The following CYB561D1 variants were observed in gnomAD, a reference collection of about 807,000 sequenced individuals.
CYB561D1 encodes the protein cytochrome b561 family member D1.
In CYB561D1, 15 loss-of-function variants were observed where a neutral mutation model predicts 19.2. The observed-to-expected ratio is 0.78, with a 90% CI of 0.52 to 1.20. The LOEUF (loss-of-function observed/expected upper bound fraction) is 1.20, where lower values mean the gene tolerates loss of function less well. Among genes scored for constraint, CYB561D1 ranks in the 50% most tolerant of loss-of-function variants. The pLI is 0.00. For missense variants in CYB561D1, 297 were observed against 287.3 expected (o/e 1.03, Z -0.24); for synonymous variants, 133 against 120.6 (o/e 1.10, Z -0.68).
Position 109,496,227 on chromosome 1 carries a change from TC to T in CYB561D1, c.660del (p.Tyr221ThrfsTer37). On this transcript the variant is annotated frameshift_variant, in exon 3 of 3. Coordinates refer to ENST00000420578, the MANE Select transcript of CYB561D1 (RefSeq NM_182580.3). LOFTEE classifies it high-confidence loss of function. ...GGTGATCATGCACCAGATTTCCAGA[TC>T]CTACTTGCCGAGGAAGAAAATGGAA... is the stretch of plus-strand genomic sequence containing the variant. Reference protein sequence around the residue: ...ALVIMHQISRSYLPRKKMEM With the variant: ...ALVIMHQISRXYLPRKKMEM The T allele has an allele frequency of 6.3e-7, 1 of 1,578,188 alleles. No individual in the cohort carries two copies. Among genetic ancestry groups the T allele is most frequent in the Non-Finnish European group, 8.7e-7 (1 of 1,155,028 alleles).
chr1:109,494,922 C>T (rs1657433060), intron 1 of CYB561D1, among the ~76,000 whole-genome samples: 1 of 151,950 alleles, frequency 6.6e-6, no homozygotes, highest in Admixed American at 6.5e-5. Context: ...AGGTGCTGAA[C>T]GGGGAACCCG....
Sources: allele counts gnomAD v4.1 joint callset (sites outside exome capture counted in the v4.1 genomes callset), GRCh38; gene constraint gnomAD v4.1.1; transcripts MANE v1.5; gene names NCBI Gene and HGNC (gene_info 2026-07-23, HGNC 2026-07-21).